The following FBXL17 variants were observed in gnomAD, a reference collection of about 807,000 sequenced individuals.
The protein encoded by FBXL17 is F-box and leucine rich repeat protein 17.
A neutral mutation model predicts 66.2 loss-of-function variants in FBXL17; 22 were observed. The ratio of observed to expected loss-of-function variants is 0.33; its 90% CI spans 0.24 to 0.47. The LOEUF is 0.47. Ranked by LOEUF, FBXL17 falls within the 20% of genes least tolerant of loss-of-function variation. FBXL17 has a pLI of 1.00. For synonymous variants in FBXL17, 474 were observed against 400.5 expected, an observed-to-expected ratio of 1.18 and a Z score of -2.19; for missense variants, 878 against 948.2, an observed-to-expected ratio of 0.93 and a Z score of 0.97.
intron 6 of FBXL17, among the ~76,000 whole-genome samples, chr5:108,136,999 T>A (rs1018642216): frequency 2.6e-5 from 4 of 152,090 alleles, no homozygotes; most frequent in Non-Finnish European, 5.9e-5. Flanking sequence ...TTTTGATGAT[T>A]AGATAACATC....
At chr5:107,936,817 T>G (rs934943356) in intron 7 of FBXL17, among the ~76,000 whole-genome samples, 14 of 152,210 alleles carry the variant, frequency 9.2e-5, no homozygotes, top group African/African-American at 3.4e-4. Context: ...GACGACTTTT[T>G]AAAATATTTA....
At chr5:108,237,840 G>T (rs571082704) in intron 4 of FBXL17, among the ~76,000 whole-genome samples, 1 of 152,252 alleles carries the variant, frequency 6.6e-6, no homozygotes, top group East Asian at 1.9e-4. Context: ...ATCCATATCT[G>T]ATGCTCTACA....
chr5:108,243,291 T>C (rs1035051147), intron 4 of FBXL17, among the ~76,000 whole-genome samples: 13 of 152,332 alleles, frequency 8.5e-5, no homozygotes, highest in African/African-American at 2.4e-4. Flanking sequence ...TTGACTAATA[T>C]TGCTTTTATT....
At chr5:108,101,185 G>T (rs1429782531) in intron 6 of FBXL17, among the ~76,000 whole-genome samples, 1 of 152,266 alleles carries the variant, frequency 6.6e-6, no homozygotes, top group Non-Finnish European at 1.5e-5. Flanking sequence ...AACCTCTTCA[G>T]AGCTTTGCTT....
intron 6 of FBXL17, among the ~76,000 whole-genome samples, chr5:108,048,571 A>G (rs1747348963): frequency 6.6e-6 from 1 of 152,248 alleles, no homozygotes; most frequent in Non-Finnish European, 1.5e-5. Context: ...AGAAGGTTAG[A>G]GGAGCTGCTA....
At chr5:108,257,027 G>A (rs1365802701) in intron 4 of FBXL17, among the ~76,000 whole-genome samples, 1 of 152,122 alleles carries the variant, frequency 6.6e-6, no homozygotes, top group Non-Finnish European at 1.5e-5. Context: ...CTGTGTTTCA[G>A]TTACCAGCCT....
chr5:108,139,049 T>C (rs976581905), intron 6 of FBXL17, among the ~76,000 whole-genome samples: 3 of 152,198 alleles, frequency 2.0e-5, no homozygotes, highest in Non-Finnish European at 2.9e-5. Context: ...GAGAAATCTT[T>C]AATACTCAGA....
chr5:108,009,261 T>TTATATATA lies in FBXL17; in HGVS notation c.1822+11656_1822+11663dup, dbSNP rs375853217. Among the ~76,000 whole-genome samples, 116 of 20,810 alleles carry TTATATATA rather than the reference T, an allele frequency of 5.6e-3. 1 individual carries two copies. The highest frequency in any genetic ancestry group is 7.3e-3 in the Non-Finnish European group (85 of 11,656). The allele number at this position is 20,810 out of a possible 152,430, so 13.7% of individuals were successfully genotyped here. A position where few individuals can be genotyped will look rare whatever the true frequency, so the allele number is the denominator to read the frequency against. On this transcript the variant is annotated intron_variant, in intron 7 of 8. Transcript: ENST00000542267. ...GCTTGGTCGTGAGTTGTTCCCTGTT[T>TTATATATA]TATATATATATATATATATATATAT...
chr5:108,107,297 C>G (rs986598943), intron 6 of FBXL17, among the ~76,000 whole-genome samples: 15 of 152,120 alleles, frequency 9.9e-5, no homozygotes, highest in Non-Finnish European at 1.9e-4. Context: ...GTCTCGAACT[C>G]CCGACCTCAG....
intron 6 of FBXL17, among the ~76,000 whole-genome samples, chr5:108,061,968 T>C (rs1431062356): frequency 6.6e-6 from 1 of 152,152 alleles, no homozygotes; most frequent in Admixed American, 6.5e-5. Flanking sequence ...GTGATGCGTA[T>C]TTATTGCCGC....
chr5:108,012,930 G>A lies in FBXL17; in HGVS notation c.1822+7995C>T, dbSNP rs140673191. 8.8e-5 allele frequency among the ~76,000 whole-genome samples: 13 copies of A among 147,838 alleles called. No individual in the cohort carries two copies. In the East Asian group the frequency reaches 2.2e-3, roughly 25 times the overall value. On this transcript the variant is annotated intron_variant, in intron 7 of 8. Transcript: ENST00000542267. Reference sequence around the variant, plus strand: ...CTAGGGAGGCTGAAGCAGGAGAATCGCTTGAACCTGGGAGGCGGAGGTTGC... The same window carrying A: ...CTAGGGAGGCTGAAGCAGGAGAATCACTTGAACCTGGGAGGCGGAGGTTGC...
intron 4 of FBXL17, among the ~76,000 whole-genome samples, chr5:108,294,291 A>AT (rs1451234250): frequency 3.8e-4 from 55 of 144,230 alleles, no homozygotes; most frequent in Non-Finnish European, 5.5e-4. Context: ...TGAAAAAAAA[A>AT]AATATATATA....
intron 4 of FBXL17, among the ~76,000 whole-genome samples, chr5:108,305,237 T>C (rs565839677): frequency 9.6e-4 from 146 of 152,170 alleles, no homozygotes; most frequent in African/African-American, 3.5e-3. Flanking sequence ...CCACATGTTC[T>C]CACATATAGC....
At chr5:108,246,270 G>A (rs868021608) in intron 4 of FBXL17, among the ~76,000 whole-genome samples, 1 of 152,344 alleles carries the variant, frequency 6.6e-6, no homozygotes, top group African/African-American at 2.4e-5. Flanking sequence ...GGAGGCCAAG[G>A]TGGGAGGATC....
chr5:108,364,508 T>C (rs1748539142), intron 3 of FBXL17, among the ~76,000 whole-genome samples: 2 of 152,002 alleles, frequency 1.3e-5, no homozygotes, highest in African/African-American at 2.4e-5. Context: ...ATTTATAAAA[T>C]GGCTGGTCAC....
intron 4 of FBXL17, among the ~76,000 whole-genome samples, chr5:108,335,005 T>C (rs1440467250): frequency 6.6e-6 from 1 of 152,228 alleles, no homozygotes; most frequent in Admixed American, 6.5e-5. Context: ...ACTATTGGTG[T>C]GAGAATAAGG....
intron 6 of FBXL17, among the ~76,000 whole-genome samples, chr5:108,034,938 T>C (rs930568080): frequency 1.3e-5 from 2 of 152,224 alleles, no homozygotes; most frequent in African/African-American, 2.4e-5. Context: ...TCTCTCATTG[T>C]TCTTTATAAT....
At chr5:108,163,491 C>T (rs549065230) in intron 6 of FBXL17, among the ~76,000 whole-genome samples, 153 of 151,298 alleles carry the variant, frequency 1.0e-3, no homozygotes, top group African/African-American at 3.6e-3. Context: ...AGCTCCGCCT[C>T]CCGGGTTCAC....
chr5:108,041,081 G>C (rs899859705), intron 6 of FBXL17, among the ~76,000 whole-genome samples: 4 of 151,908 alleles, frequency 2.6e-5, no homozygotes, highest in African/African-American at 9.7e-5. Context: ...GGGATTGTTG[G>C]GAATATTAAA....
Sources: gnomAD v4.1 joint callset for allele counts (sites outside exome capture counted in the v4.1 genomes callset) on GRCh38, gnomAD v4.1.1 for gene constraint, MANE v1.5 for transcripts, NCBI Gene and HGNC (gene_info 2026-07-23, HGNC 2026-07-21) for gene names.